TMEM132D: variants seen among roughly 807,000 people sequenced by gnomAD.
TMEM132D encodes the protein mature OL transmembrane protein.
A neutral mutation model predicts 62.3 loss-of-function variants in TMEM132D; 21 were observed. The ratio of observed to expected loss-of-function variants is 0.34; its 90% CI spans 0.24 to 0.49. The LOEUF (loss-of-function observed/expected upper bound fraction) is 0.49, where lower values mean the gene tolerates loss of function less well. TMEM132D is among the 20% of genes least tolerant of loss of function. The pLI, the probability that TMEM132D is intolerant of heterozygous loss-of-function variation, is 0.99. For missense variants in TMEM132D, 1,346 were observed against 1,402.8 expected (o/e 0.96, Z 0.65); for synonymous variants, 621 against 575.6 (o/e 1.08, Z -1.13).
intron 4 of TMEM132D, among the ~76,000 whole-genome samples, chr12:129,335,750 A>G (rs1566036895): frequency 6.6e-6 from 1 of 152,166 alleles, no homozygotes; most frequent in Non-Finnish European, 1.5e-5. Flanking sequence ...CTTGTAACAG[A>G]ATTTGAGCAA....
intron 3 of TMEM132D, among the ~76,000 whole-genome samples, chr12:129,362,390 G>C (rs1283144809): frequency 6.6e-6 from 1 of 151,994 alleles, no homozygotes; most frequent in African/African-American, 2.4e-5. Flanking sequence ...AAATGTCCTT[G>C]AAGTCCTCTT....
chr12:129,164,558 G>A (rs1877486703), intron 5 of TMEM132D, among the ~76,000 whole-genome samples: 1 of 152,164 alleles, frequency 6.6e-6, no homozygotes, highest in Non-Finnish European at 1.5e-5. Context: ...AAGGAAAGAG[G>A]TTTAATTGAC....
chr12:129,333,087 A>T (rs1869162148), intron 4 of TMEM132D, among the ~76,000 whole-genome samples: 1 of 152,230 alleles, frequency 6.6e-6, no homozygotes, highest in Non-Finnish European at 1.5e-5. Flanking sequence ...AGGAGAAGAG[A>T]AAATGGGCAA....
intron 4 of TMEM132D, among the ~76,000 whole-genome samples, chr12:129,236,104 T>TTGTGTGTGTGTG (rs71072452): frequency 2.9e-4 from 42 of 146,896 alleles, no homozygotes; most frequent in South Asian, 8.9e-4. Flanking sequence ...TGATGCTATT[T>TTGTGTGTGTGTG]TGTGTGTGTG....
At chr12:129,621,726 G>A (rs61943557) in intron 2 of TMEM132D, among the ~76,000 whole-genome samples, 7,134 of 152,250 alleles carry the variant, frequency 0.047, 271 homozygotes, top group South Asian at 0.11. Context: ...TCCAGTGGAG[G>A]TAGGTACTAT....
At chr12:129,897,058 G>A (rs140561329) in intron 1 of TMEM132D, among the ~76,000 whole-genome samples, 3,133 of 152,240 alleles carry the variant, frequency 0.021, 73 homozygotes, top group Non-Finnish European at 0.032. Flanking sequence ...CAGAGGTGAC[G>A]GAAGCACCTA....
intron 5 of TMEM132D, among the ~76,000 whole-genome samples, chr12:129,160,874 G>C (rs1430507540): frequency 6.6e-6 from 1 of 152,126 alleles, no homozygotes; most frequent in Non-Finnish European, 1.5e-5. Context: ...CCAAGATGAC[G>C]ATGATTCCAT....
chr12:129,348,880 C>A (rs1869777536), intron 3 of TMEM132D, among the ~76,000 whole-genome samples: 1 of 152,172 alleles, frequency 6.6e-6, no homozygotes, highest in Non-Finnish European at 1.5e-5. Flanking sequence ...GGACAACTAG[C>A]CATATCTCTG....
chr12:129,613,874 C>A (rs1458681455), intron 2 of TMEM132D, among the ~76,000 whole-genome samples: 2 of 151,654 alleles, frequency 1.3e-5, no homozygotes, highest in East Asian at 3.9e-4. Context: ...GCTCCAGAAC[C>A]CAGGGGACTG....
intron 1 of TMEM132D, among the ~76,000 whole-genome samples, chr12:129,878,209 C>T (rs1338829148): frequency 6.6e-6 from 1 of 152,226 alleles, no homozygotes; most frequent in Non-Finnish European, 1.5e-5. Flanking sequence ...ATTGAAGGAC[C>T]TACCTTAAGC....
chr12:129,104,627 T>A (rs1222433281), intron 5 of TMEM132D, among the ~76,000 whole-genome samples: 2 of 151,430 alleles, frequency 1.3e-5, no homozygotes, highest in Non-Finnish European at 2.9e-5. Context: ...GGGAGAAAAT[T>A]TTCACAACCT....
intron 2 of TMEM132D, among the ~76,000 whole-genome samples, chr12:129,590,238 G>A (rs986514294): frequency 2.6e-5 from 4 of 152,116 alleles, no homozygotes; most frequent in African/African-American, 4.8e-5. Flanking sequence ...GTTGAGATGA[G>A]CAACCCCCAT....
intron 1 of TMEM132D, among the ~76,000 whole-genome samples, chr12:129,750,214 T>C (rs141192830): frequency 2.6e-5 from 4 of 152,130 alleles, no homozygotes; most frequent in African/African-American, 9.6e-5. Flanking sequence ...GCCTCCCAGA[T>C]AGCTGGGATT....
intron 5 of TMEM132D, among the ~76,000 whole-genome samples, chr12:129,153,920 C>T (rs139286838): frequency 6.6e-6 from 1 of 152,272 alleles, no homozygotes; most frequent in Non-Finnish European, 1.5e-5. Flanking sequence ...CGTGGGACAC[C>T]TAGATGGAAG....
chr12:129,638,429 T>C (rs1879543438), intron 2 of TMEM132D, among the ~76,000 whole-genome samples: 1 of 151,486 alleles, frequency 6.6e-6, no homozygotes, highest in Non-Finnish European at 1.5e-5. Flanking sequence ...CAAATGGCAA[T>C]TTAAAATTAA....
intron 3 of TMEM132D, among the ~76,000 whole-genome samples, chr12:129,516,672 T>C: frequency 6.6e-6 from 1 of 152,156 alleles, no homozygotes; most frequent in Non-Finnish European, 1.5e-5. Context: ...AGGTGAGATT[T>C]GAATTGCCAA....
intron 5 of TMEM132D, among the ~76,000 whole-genome samples, chr12:129,140,816 G>A (rs564022746): frequency 2.8e-4 from 42 of 148,580 alleles, no homozygotes; most frequent in Non-Finnish European, 5.6e-4. Flanking sequence ...TCCAGCCTGG[G>A]AGACAAGAAC....
chr12:129,517,015 A>G (rs1036194562), intron 3 of TMEM132D, among the ~76,000 whole-genome samples: 2 of 152,032 alleles, frequency 1.3e-5, no homozygotes, highest in African/African-American at 4.8e-5. Context: ...CTCCTCTGTA[A>G]TTACATGGGA....
intron 1 of TMEM132D, among the ~76,000 whole-genome samples, chr12:129,830,435 A>G (rs953949115): frequency 6.6e-6 from 1 of 152,182 alleles, no homozygotes; most frequent in Non-Finnish European, 1.5e-5. Context: ...TCATTCAGAC[A>G]GAGGCATATT....
Sources: allele counts gnomAD v4.1 joint callset (sites outside exome capture counted in the v4.1 genomes callset), GRCh38; gene constraint gnomAD v4.1.1; transcripts MANE v1.5; gene names NCBI Gene and HGNC (gene_info 2026-07-23, HGNC 2026-07-21).